VAV2: variants seen among roughly 807,000 people sequenced by gnomAD.
VAV2 encodes vav guanine nucleotide exchange factor 2.
A neutral mutation model predicts 132.5 loss-of-function variants in VAV2; 67 were observed. The ratio of observed to expected loss-of-function variants is 0.51; its 90% CI spans 0.42 to 0.62. VAV2 has a LOEUF of 0.62. Ranked by LOEUF, VAV2 falls within the 20% of genes least tolerant of loss-of-function variation. The probability of loss-of-function intolerance (pLI) is 0.00; values close to 1 mark genes in which losing one functional copy is unlikely to be tolerated. For synonymous variants in VAV2, 492 were observed against 443.5 expected, an observed-to-expected ratio of 1.11 and a Z score of -1.37; for missense variants, 938 against 1,153.6, an observed-to-expected ratio of 0.81 and a Z score of 2.71.
intron 1 of VAV2, among the ~76,000 whole-genome samples, chr9:133,989,540 C>T (rs1588236523): frequency 7.4e-6 from 1 of 134,620 alleles, no homozygotes. Context: ...AAAAAAAAAG[C>T]TGGGCGTGGT....
At chr9:133,862,961 G>C (rs966062245) in intron 2 of VAV2, among the ~76,000 whole-genome samples, 2 of 152,190 alleles carry the variant, frequency 1.3e-5, no homozygotes, top group Admixed American at 1.3e-4. Flanking sequence ...ATTCGGGACC[G>C]GCGCTCAGGG....
intron 2 of VAV2, among the ~76,000 whole-genome samples, chr9:133,927,623 G>T (rs552385508): frequency 1.2e-4 from 18 of 152,246 alleles, no homozygotes; most frequent in Admixed American, 1.0e-3. Context: ...CTTTCTGTCT[G>T]GAGTTGGCCC....
intron 1 of VAV2, among the ~76,000 whole-genome samples, chr9:133,978,581 G>A (rs1351935397): frequency 2.0e-5 from 3 of 152,258 alleles, no homozygotes; most frequent in South Asian, 4.1e-4. Flanking sequence ...TGGCCTAGGG[G>A]ACAAGGAGTA....
intron 2 of VAV2, among the ~76,000 whole-genome samples, chr9:133,907,354 C>T (rs934337097): frequency 2.0e-5 from 3 of 152,328 alleles, no homozygotes; most frequent in South Asian, 2.1e-4. Flanking sequence ...TCCCGGATGC[C>T]GGTCACTCCA....
chr9:133,979,803 G>A (rs1038262417), intron 1 of VAV2, among the ~76,000 whole-genome samples: 5 of 152,234 alleles, frequency 3.3e-5, no homozygotes, highest in Non-Finnish European at 7.4e-5. Flanking sequence ...GGTGCTAGTG[G>A]TGAGGGGAAG....
At chr9:133,966,538 T>C (rs749700067) in intron 1 of VAV2, among the ~76,000 whole-genome samples, 3 of 152,112 alleles carry the variant, frequency 2.0e-5, no homozygotes, top group Non-Finnish European at 4.4e-5. Flanking sequence ...AGACCCCGTC[T>C]CTACAAAACA....
intron 3 of VAV2, among the ~76,000 whole-genome samples, chr9:133,852,225 G>T (rs1339977490): frequency 6.6e-6 from 1 of 152,024 alleles, no homozygotes; most frequent in Non-Finnish European, 1.5e-5. Context: ...CAGGGAGATG[G>T]GTGGCTTGGT....
chr9:133,775,981 C>T (rs1833795600), intron 24 of VAV2, 47 bp downstream of exon 24: 1 of 1,566,982 alleles, frequency 6.4e-7, no homozygotes, highest in Non-Finnish European at 8.7e-7. Flanking sequence ...GCCCCCATAA[C>T]AAAGAGGCCA....
chr9:133,907,083 T>C (rs1426143887), intron 2 of VAV2, among the ~76,000 whole-genome samples: 3 of 152,308 alleles, frequency 2.0e-5, no homozygotes, highest in Non-Finnish European at 2.9e-5. Flanking sequence ...GGCCCTCTGG[T>C]GTCCACACTC....
chr9:133,777,429 A>T lies in VAV2; in HGVS notation c.1925T>A (p.Phe642Tyr). 6.2e-7 allele frequency: 1 copy of T among 1,613,770 alleles called. No individual in the cohort carries two copies. The highest frequency in any genetic ancestry group is 8.5e-7 in the Non-Finnish European group (1 of 1,180,016). ...RLVQTRKSGY[F>Y]PSSSVKPCPV... ...GCAGGGCTTCACAGATGAGCTGGGG[A>T]AATACCCTGACTTCCTGGTTTGTAC... The change falls in exon 23 of 30, where the codon TTC (phenylalanine) becomes TAC (tyrosine). Residue 642 changes from phenylalanine to tyrosine, a missense_variant. Transcript: ENST00000371850.
chr9:133,935,472 C>G lies in VAV2; in HGVS notation c.321+3631G>C, dbSNP rs747950297. 6.6e-6 allele frequency among the ~76,000 whole-genome samples: 1 copy of G among 152,214 alleles called. No individual in the cohort carries two copies. The highest frequency in any genetic ancestry group is 6.5e-5 in the Admixed American group (1 of 15,282). On this transcript the variant is annotated intron_variant, in intron 2 of 29. Coordinates refer to ENST00000371850, the MANE Select transcript of VAV2 (RefSeq NM_001134398.2). This position sits in a 1 kb window ranked among gnomAD's most constrained non-coding sequence, Gnocchi z 5.2. ...AGTCCCCTCCCTGCTCTGACCCTTC[C>G]TCCCCTCTGTCCACGGCAGGGACTG...
At chr9:133,943,781 C>T (rs1050293464) in intron 1 of VAV2, among the ~76,000 whole-genome samples, 2 of 152,224 alleles carry the variant, frequency 1.3e-5, no homozygotes, top group Non-Finnish European at 2.9e-5. Flanking sequence ...CAGGCTCTGG[C>T]GCTGCAATGA....
chr9:133,833,160 C>T lies in VAV2; in HGVS notation c.449+1112G>A, dbSNP rs1456338430. Among the ~76,000 whole-genome samples the T allele has an allele frequency of 1.3e-5, 2 of 152,126 alleles. No individual in the cohort carries two copies. The highest frequency in any genetic ancestry group is 1.5e-5 in the Non-Finnish European group (1 of 68,028). ...TTCACAGAAGTGCATGAGACTGGGC[C>T]GCCAGCGTGGTGCCACATGCTGATA... On this transcript the variant is annotated intron_variant, in intron 4 of 29. Coordinates refer to ENST00000371850, the MANE Select transcript of VAV2 (RefSeq NM_001134398.2). This position sits in a 1 kb window ranked among gnomAD's most constrained non-coding sequence, Gnocchi z 5.6.
In VAV2 at chr9:133,769,304, A is replaced by T; in HGVS notation, c.2434+113T>A. The T allele has an allele frequency of 8.6e-7, 1 of 1,159,376 alleles. No individual in the cohort carries two copies. The highest frequency in any genetic ancestry group is 1.2e-6 in the Non-Finnish European group (1 of 830,726). The allele number at this position is 1,159,376 out of a possible 1,614,324, so 71.8% of individuals were successfully genotyped here. On this transcript the variant is annotated intron_variant, in intron 28 of 29. Coordinates refer to ENST00000371850, the MANE Select transcript of VAV2 (RefSeq NM_001134398.2). The surrounding 1 kb of genome is among the most constrained non-coding windows in gnomAD (Gnocchi z 8.1). ...CCCTCCACCCAGTGCCAGACTGCGGACAACTGTGGCCACGTCAGGCAGGGC... is the reference window on the plus strand; with the variant it reads ...CCCTCCACCCAGTGCCAGACTGCGGTCAACTGTGGCCACGTCAGGCAGGGC...
intron 3 of VAV2, among the ~76,000 whole-genome samples, chr9:133,851,884 GATGC>G (rs1376780903): frequency 2.7e-5 from 4 of 148,650 alleles, no homozygotes; most frequent in African/African-American, 1.0e-4. Flanking sequence ...TAAATGGATG[GATGC>G]ATGGATGGAT....
chr9:133,886,570 G>A (rs935933640), intron 2 of VAV2, among the ~76,000 whole-genome samples: 1 of 152,158 alleles, frequency 6.6e-6, no homozygotes, highest in African/African-American at 2.4e-5. Flanking sequence ...AGGCCCACGT[G>A]TTTGCGCCTG....
intron 2 of VAV2, among the ~76,000 whole-genome samples, chr9:133,898,970 C>T (rs1014475506): frequency 9.2e-5 from 14 of 152,012 alleles, no homozygotes; most frequent in Admixed American, 2.6e-4. Context: ...TACAGGCACC[C>T]GCCACCACGC....
At chr9:133,786,007 C>A (rs999103330) in intron 16 of VAV2, 122 bp from the exon 17 acceptor site, 1 of 165,494 alleles carries the variant, frequency 6.0e-6, no homozygotes, top group Non-Finnish European at 1.0e-5. Flanking sequence ...TGCACAGGTG[C>A]CTGTGCCTGT....
chr9:133,916,038 T>C (rs184820707), intron 2 of VAV2, among the ~76,000 whole-genome samples: 94 of 151,894 alleles, frequency 6.2e-4, no homozygotes, highest in African/African-American at 2.2e-3. Flanking sequence ...AAGGCACCCA[T>C]GCACACTCAC....
Sources: gnomAD v4.1 joint callset for allele counts (sites outside exome capture counted in the v4.1 genomes callset) on GRCh38, gnomAD v4.1.1 for gene constraint, Gnocchi (gnomAD v3.1) non-coding constraint, MANE v1.5 for transcripts, NCBI Gene and HGNC (gene_info 2026-07-23, HGNC 2026-07-21) for gene names.